Variants in TRIM4 observed in about 807,000 individuals in gnomAD.
TRIM4 encodes E3 ubiquitin-protein ligase TRIM4.
A neutral mutation model predicts 33.7 loss-of-function variants in TRIM4; 29 were observed. That is an observed-to-expected ratio of 0.86 (90% CI 0.64 to 1.17). TRIM4 has a LOEUF of 1.17. TRIM4 is among the 50% of genes most tolerant of loss of function. TRIM4 has a pLI of 0.00. For synonymous variants in TRIM4, 224 were observed against 233.0 expected, an observed-to-expected ratio of 0.96 and a Z score of 0.35; for missense variants, 554 against 593.7, an observed-to-expected ratio of 0.93 and a Z score of 0.69.
chr7:99,893,529 C>A (rs537171945), intron 5 of TRIM4, among the ~76,000 whole-genome samples: 3 of 152,306 alleles, frequency 2.0e-5, no homozygotes, highest in Admixed American at 2.0e-4. Flanking sequence ...CAAAACTGAA[C>A]TAATTATCTT....
chr7:99,896,746 A>G (rs1819025468), intron 5 of TRIM4, among the ~76,000 whole-genome samples: 1 of 152,256 alleles, frequency 6.6e-6, no homozygotes. Context: ...GTGGGGCCCA[A>G]TAGCCACTAT....
At position 99,892,452 on chromosome 7, in the gene TRIM4, G is replaced by C. The variant is rs746561484; in HGVS notation, c.1136C>G (p.Thr379Ser). The C allele has an allele frequency of 1.9e-6, 3 of 1,614,096 alleles. No individual in the cohort carries two copies. Among genetic ancestry groups the C allele is most frequent in the Non-Finnish European group, 2.5e-6 (3 of 1,180,016 alleles). Reference protein sequence around the residue: ...GVCREDVMGITDRSKMSPDVG... With the variant: ...GVCREDVMGISDRSKMSPDVG... ...ATCTGGGGACATTTTTGAACGATCA[G>C]TAATTCCCATGACGTCCTCCCGACA... Residue 379 changes from threonine (T) to serine (S), a missense_variant, in exon 6 of 6, where the codon ACT becomes AGT. Physicochemically the swap from Thr to Ser is moderately conservative, Grantham distance 58. Coordinates refer to ENST00000349062, the MANE Select transcript of TRIM4 (RefSeq NM_033091.3).
intron 3 of TRIM4, among the ~76,000 whole-genome samples, chr7:99,907,134 T>C (rs887348682): frequency 1.3e-5 from 2 of 152,180 alleles, no homozygotes; most frequent in African/African-American, 4.8e-5. Flanking sequence ...GTTTTGTTTT[T>C]TGGTATGGAG....
Position 99,893,891 on chromosome 7 carries a change from T to A in TRIM4, c.842-1145A>T, listed in dbSNP as rs566324521. Among the ~76,000 whole-genome samples the A allele has an allele frequency of 3.4e-4, 52 of 151,760 alleles. 1 individual carries two copies. Among genetic ancestry groups the A allele is most frequent in the East Asian group, 1.5e-3 (8 of 5,186 alleles). On this transcript the variant is annotated intron_variant, in intron 5 of 5. Coordinates refer to ENST00000349062, the MANE Select transcript of TRIM4 (RefSeq NM_033091.3). ...GTCTCTTGAGTTTGAGGACTTTTTT[T>A]AAAAAAAATCAGGAATGTATGCTAG...
At chr7:99,918,872 A>G (rs1334543015) in intron 1 of TRIM4, 137 bp downstream of exon 1, 2 of 1,167,368 alleles carry the variant, frequency 1.7e-6, no homozygotes, top group Non-Finnish European at 2.3e-6. Flanking sequence ...TGTTTTGCTT[A>G]ACTTCTTTGA....
intron 5 of TRIM4, among the ~76,000 whole-genome samples, chr7:99,895,546 A>T (rs1322113184): frequency 6.6e-6 from 1 of 152,242 alleles, no homozygotes; most frequent in African/African-American, 2.4e-5. Flanking sequence ...TGTTCTATAA[A>T]TAATGGGATC....
intron 4 of TRIM4, 59 bp downstream of exon 4, chr7:99,903,517 G>C: frequency 1.2e-6 from 2 of 1,606,098 alleles, no homozygotes; most frequent in Admixed American, 1.7e-5. Context: ...TTTCCCCTCT[G>C]CTCAGCCTGT....
chr7:99,906,686 TA>T (rs1003798733), intron 3 of TRIM4, among the ~76,000 whole-genome samples: 2 of 150,322 alleles, frequency 1.3e-5, no homozygotes, highest in Admixed American at 6.6e-5. Flanking sequence ...AGGACCAATT[TA>T]AAAAAAAACA....
At chr7:99,899,715 C>A (rs565805248) in intron 5 of TRIM4, among the ~76,000 whole-genome samples, 1 of 152,122 alleles carries the variant, frequency 6.6e-6, no homozygotes, top group Non-Finnish European at 1.5e-5. Context: ...AGGAACAGAA[C>A]CAAAAGGATA....
chr7:99,900,027 C>T (rs970927978), intron 5 of TRIM4, among the ~76,000 whole-genome samples: 1 of 152,202 alleles, frequency 6.6e-6, no homozygotes, highest in Non-Finnish European at 1.5e-5. Context: ...CTCAAGCAAT[C>T]CTCCTAACTC....
chr7:99,911,273 G>T (rs1209431743), intron 1 of TRIM4, among the ~76,000 whole-genome samples: 1 of 152,106 alleles, frequency 6.6e-6, no homozygotes, highest in African/African-American at 2.4e-5. Flanking sequence ...TAAGCAGTAT[G>T]TAGAAAATAA....
intron 5 of TRIM4, among the ~76,000 whole-genome samples, chr7:99,897,159 G>A (rs1033962879): frequency 6.6e-6 from 1 of 152,172 alleles, no homozygotes; most frequent in Non-Finnish European, 1.5e-5. Context: ...AGATCTAGTG[G>A]CAGGGAGGAT....
intron 5 of TRIM4, among the ~76,000 whole-genome samples, chr7:99,895,516 T>C (rs950830952): frequency 2.0e-5 from 3 of 152,234 alleles, no homozygotes; most frequent in South Asian, 2.1e-4. Flanking sequence ...AAATATGTAG[T>C]ATATAGCTGT....
intron 3 of TRIM4, among the ~76,000 whole-genome samples, chr7:99,908,062 T>C (rs1238375221): frequency 1.3e-5 from 2 of 152,244 alleles, no homozygotes; most frequent in East Asian, 3.8e-4. Context: ...AGACCCAAAC[T>C]TAAGTGCTAA....
At chr7:99,907,948 C>A (rs1440523172) in intron 3 of TRIM4, among the ~76,000 whole-genome samples, 1 of 152,090 alleles carries the variant, frequency 6.6e-6, no homozygotes, top group Non-Finnish European at 1.5e-5. Flanking sequence ...AAATGTAGGA[C>A]CCTATCCAAA....
At chr7:99,908,477 A>C in intron 3 of TRIM4, 105 bp downstream of exon 3, 1 of 862,356 alleles carries the variant, frequency 1.2e-6, no homozygotes, top group Non-Finnish European at 1.8e-6. Flanking sequence ...GCAAGAGATA[A>C]GACATGTCTA....
In TRIM4 at chr7:99,892,585, C is replaced by T. The variant is rs1227744263; in HGVS notation, c.1003G>A (p.Glu335Lys). The T allele has an allele frequency of 6.2e-7, 1 of 1,614,096 alleles. No homozygotes were observed. Among genetic ancestry groups the T allele is most frequent in the Admixed American group, 1.7e-5 (1 of 60,002 alleles). Residue 335 changes from glutamate (E) to lysine (K), a missense_variant, in exon 6 of 6, where the codon GAG becomes AAG. Transcript: ENST00000349062. The stretch of plus-strand genomic sequence containing the variant: ...ACACAGGGTAAGTGCTGAAATCTCT[C>T]TACAAAAGCAGTCTTCTGAGGATTC... ...WRNPQKTAFV[E>K]RFQHLPCVLG...
chr7:99,919,064 TG>T lies in TRIM4; in HGVS notation c.337del (p.Gln113ArgfsTer33). 2 of 1,574,858 alleles carry T rather than the reference TG, an allele frequency of 1.3e-6. No homozygotes were observed. Among genetic ancestry groups the T allele is most frequent in the South Asian group, 1.2e-5 (1 of 86,040 alleles). ...RPVCLVCRES[Q>X]EHQTHAMAPI... ...TGCCATGGCGTGAGTCTGGTGCTCC[TG>T]GGACTCCCTGCACACCAGGCACACT... On this transcript the variant is annotated frameshift_variant, in exon 1 of 6. Transcript: ENST00000349062. LOFTEE classifies it high-confidence loss of function.
intron 1 of TRIM4, chr7:99,917,896 G>C (rs1359470833): frequency 1.0e-6 from 1 of 967,294 alleles, no homozygotes; most frequent in Non-Finnish European, 1.2e-6. Context: ...CTAAAGGATA[G>C]ATGTGGGTAG....
Sources: gnomAD v4.1 joint callset for allele counts (sites outside exome capture counted in the v4.1 genomes callset) on GRCh38, gnomAD v4.1.1 for gene constraint, MANE v1.5 for transcripts, NCBI Gene and HGNC (gene_info 2026-07-23, HGNC 2026-07-21) for gene names.